DOCK7: variants seen among roughly 807,000 people sequenced by gnomAD.
The protein encoded by DOCK7 is dedicator of cytokinesis protein 7.
A neutral mutation model predicts 271.0 loss-of-function variants in DOCK7; 138 were observed. The ratio of observed to expected loss-of-function variants is 0.51; its 90% CI spans 0.44 to 0.59. The LOEUF is 0.59. Ranked by LOEUF, DOCK7 falls within the 20% of genes least tolerant of loss-of-function variation. DOCK7 has a pLI of 0.00. For missense variants in DOCK7, 2,066 were observed against 2,592.4 expected (o/e 0.80, Z 4.41); for synonymous variants, 823 against 876.1 (o/e 0.94, Z 1.07).
Position 62,455,223 on chromosome 1 carries a change from C to G in DOCK7, c.*191G>C. 1 of 700,884 alleles carries G rather than the reference C, an allele frequency of 1.4e-6. No homozygotes were observed. Among genetic ancestry groups the G allele is most frequent in the Middle Eastern group, 2.4e-4 (1 of 4,228 alleles). 43.4% of individuals were successfully genotyped at this position (700,884 alleles called of 1,614,324 possible). On this transcript the variant is annotated 3_prime_UTR_variant, in exon 50 of 50. Coordinates refer to ENST00000635253, the MANE Select transcript of DOCK7 (RefSeq NM_001367561.1). Reference sequence around the variant, plus strand: ...TGTCTTAAAAGATAACAGCTTGTTACCAGAACATTAGAAACCATAGCCATG... The same window carrying G: ...TGTCTTAAAAGATAACAGCTTGTTAGCAGAACATTAGAAACCATAGCCATG...
In DOCK7 at chr1:62,654,048, C is replaced by T. The variant is rs867320510; in HGVS notation, c.256G>A (p.Asp86Asn). The T allele has an allele frequency of 6.2e-7, 1 of 1,613,958 alleles. No homozygotes were observed. The highest frequency in any genetic ancestry group is 2.2e-5 in the East Asian group (1 of 44,858). Residue 86 changes from aspartate to asparagine, a missense_variant, in exon 3 of 50, where the codon GAT (aspartate) becomes AAT (asparagine). By Grantham distance (23) the Asp-to-Asn change is conservative (BLOSUM62 1). Around this residue, in one of 2 missense-constraint regions of DOCK7, gnomAD observed 1,414 missense variants for 1,670.4 expected, o/e 0.85. Transcript: ENST00000635253. ...LRDLIEFPPD[D>N]IEVVYSPRDC... ...CGAGGACTATAAACAACTTCAATAT[C>T]ATCTGGAGGAAATTCAATCAAATCC...
At chr1:62,648,756 A>T (rs1188526302) in intron 4 of DOCK7, among the ~76,000 whole-genome samples, 1 of 152,082 alleles carries the variant, frequency 6.6e-6, no homozygotes, top group Non-Finnish European at 1.5e-5. Context: ...AAAGCAAATC[A>T]TATTTTCCTT....
chr1:62,561,175 A>C (rs1048623855), intron 19 of DOCK7, among the ~76,000 whole-genome samples: 2 of 152,216 alleles, frequency 1.3e-5, no homozygotes, highest in African/African-American at 4.8e-5. Context: ...AATGAATACC[A>C]GGAGGAAAAG....
chr1:62,572,600 C>T (rs1646818960), intron 18 of DOCK7, among the ~76,000 whole-genome samples: 1 of 151,638 alleles, frequency 6.6e-6, no homozygotes, highest in Admixed American at 6.6e-5. Context: ...AGGGTTCTCA[C>T]CCTGGGTTGC....
intron 8 of DOCK7, among the ~76,000 whole-genome samples, chr1:62,636,265 G>A (rs1655260398): frequency 6.6e-6 from 1 of 152,144 alleles, no homozygotes; most frequent in Admixed American, 6.5e-5. Context: ...TGTACTGCTT[G>A]CCAAAAGTGA....
At chr1:62,510,483 C>T (rs1644451489) in intron 34 of DOCK7, 94 bp downstream of exon 34, 1 of 851,532 alleles carries the variant, frequency 1.2e-6, no homozygotes, top group Non-Finnish European at 1.8e-6. Context: ...AGTGTAAATA[C>T]TAAATGTAAA....
At chr1:62,576,033 A>C (rs1646932985) in intron 18 of DOCK7, among the ~76,000 whole-genome samples, 1 of 152,132 alleles carries the variant, frequency 6.6e-6, no homozygotes, top group East Asian at 1.9e-4. Context: ...GATTGGGAGG[A>C]GGGAGAGTCA....
chr1:62,660,739 T>C (rs1658563562), intron 2 of DOCK7, among the ~76,000 whole-genome samples: 1 of 152,146 alleles, frequency 6.6e-6, no homozygotes, highest in African/African-American at 2.4e-5. Flanking sequence ...ACAACCCCAA[T>C]GTCCATCAAA....
intron 14 of DOCK7, chr1:62,602,376 T>A (rs1359917218): frequency 6.2e-7 from 1 of 1,610,158 alleles, no homozygotes; most frequent in African/African-American, 1.3e-5. Flanking sequence ...TTGGGAGGCT[T>A]GATGGTAAGG....
chr1:62,589,644 C>A (rs1431752477), intron 14 of DOCK7, among the ~76,000 whole-genome samples: 2 of 151,636 alleles, frequency 1.3e-5, no homozygotes, highest in Admixed American at 6.6e-5. Flanking sequence ...AAAAAAGTAT[C>A]CAGACTTCAT....
In DOCK7 at chr1:62,606,528, T is replaced by C. The variant is rs189808024; in HGVS notation, c.1682+12178A>G. On this transcript the variant is annotated intron_variant, in intron 14 of 49. Transcript: ENST00000635253. ...TCCATCACTACTCACAGTTGTCTAA[T>C]CTAAGTCTAATCCCCTTTGATCTCT... Among the ~76,000 whole-genome samples, 580 of 152,262 alleles carry C rather than the reference T, an allele frequency of 3.8e-3. 6 individuals carry two copies. Among genetic ancestry groups the C allele is most frequent in the African/African-American group, 0.013 (526 of 41,564 alleles).
chr1:62,615,596 A>C (rs1010083462), intron 14 of DOCK7, among the ~76,000 whole-genome samples: 2 of 151,834 alleles, frequency 1.3e-5, no homozygotes, highest in African/African-American at 4.8e-5. Context: ...CAGTATTCAT[A>C]TTCAATAAAA....
At chr1:62,658,508 C>T (rs536010988) in intron 2 of DOCK7, among the ~76,000 whole-genome samples, 55 of 152,020 alleles carry the variant, frequency 3.6e-4, no homozygotes, top group Middle Eastern at 3.4e-3. Context: ...GAGGAGAAAA[C>T]GACACATTAC....
At chr1:62,631,924 A>G (rs1251314660) in intron 10 of DOCK7, among the ~76,000 whole-genome samples, 2 of 152,206 alleles carry the variant, frequency 1.3e-5, no homozygotes, top group Admixed American at 6.5e-5. Flanking sequence ...AGTAAAAAGG[A>G]AAGTAGAAGA....
chr1:62,482,930 T>C (rs1646170895), intron 43 of DOCK7: 1 of 152,192 alleles, frequency 6.6e-6, no homozygotes, highest in Non-Finnish European at 1.5e-5. Context: ...CAGAAGGACA[T>C]ATCTGACCAT....
rs1289657596 is a variant in DOCK7, at chr1:62,507,265, A to G, written c.4476+697T>C. ...AGAAAAGGAATGGAAGGAATAGGTGAGAGATATATTTACTAAAACATCTGA... is the reference window on the plus strand; with the variant it reads ...AGAAAAGGAATGGAAGGAATAGGTGGGAGATATATTTACTAAAACATCTGA... On this transcript the variant is annotated intron_variant, in intron 35 of 49. Transcript: ENST00000635253. Among the ~76,000 whole-genome samples, 8 of 152,324 alleles carry G rather than the reference A, an allele frequency of 5.3e-5. No homozygotes were observed. In the East Asian group the frequency reaches 1.5e-3, roughly 29 times the overall value.
chr1:62,611,944 A>C (rs989567814), intron 14 of DOCK7, among the ~76,000 whole-genome samples: 1 of 151,560 alleles, frequency 6.6e-6, no homozygotes, highest in Non-Finnish European at 1.5e-5. Context: ...CAGGAGTTCG[A>C]GACATGCCTG....
At position 62,605,594 on chromosome 1, in the gene DOCK7, T is replaced by A. The variant is rs553280756; in HGVS notation, c.1682+13112A>T. The A allele has an allele frequency of 3.9e-5, 6 of 152,536 alleles. No individual in the cohort carries two copies. The South Asian group carries it at 8.3e-4, about 21-fold the overall frequency. The allele number at this position is 152,536 out of a possible 1,614,324, so 9.4% of individuals were successfully genotyped here. On this transcript the variant is annotated intron_variant, in intron 14 of 49. Transcript: ENST00000635253. The stretch of plus-strand genomic sequence containing the variant: ...ATAATTGTAAAGGAATCTTGTCAGA[T>A]TACAGTAAGAATGAACATATTTGTG...
At chr1:62,592,923 C>T (rs1340614821) in intron 14 of DOCK7, among the ~76,000 whole-genome samples, 2 of 151,992 alleles carry the variant, frequency 1.3e-5, no homozygotes, top group South Asian at 2.1e-4. Flanking sequence ...TACATCACCA[C>T]CATAAAAGCA....
Sources: gnomAD v4.1 joint callset for allele counts (sites outside exome capture counted in the v4.1 genomes callset) on GRCh38, gnomAD v4.1.1 for gene constraint, gnomAD v4.1.1 regional missense constraint, MANE v1.5 for transcripts, NCBI Gene and HGNC (gene_info 2026-07-23, HGNC 2026-07-21) for gene names.